The following C9orf40 variants were observed in gnomAD, a reference collection of about 807,000 sequenced individuals.
The protein encoded by C9orf40 is uncharacterized protein C9orf40.
A neutral mutation model predicts 7.9 loss-of-function variants in C9orf40; 2 were observed. The observed-to-expected ratio is 0.25, with a 90% CI of 0.10 to 0.80. C9orf40 has a LOEUF of 0.80. C9orf40 is among the 30% of genes least tolerant of loss of function. C9orf40 has a pLI of 0.68. For synonymous variants in C9orf40, 113 were observed against 117.6 expected (o/e 0.96, Z 0.25); for missense variants, 256 against 268.5 (o/e 0.95, Z 0.33).
chr9:74,947,814 C>T lies in C9orf40; in HGVS notation c.*234G>A. On this transcript the variant is annotated 3_prime_UTR_variant, in exon 2 of 2. Transcript: ENST00000376854. ...TAGAATTTAAACAAAACTTTTTGCT[C>T]TAAGAATGCATACATAAAATACTTC... The T allele has an allele frequency of 3.0e-6, 1 of 330,594 alleles. No homozygotes were observed. The highest frequency in any genetic ancestry group is 5.0e-5 in the East Asian group (1 of 20,072). The allele number at this position is 330,594 out of a possible 1,614,324, so 20.5% of individuals were successfully genotyped here.
intron 1 of C9orf40, among the ~76,000 whole-genome samples, chr9:74,948,519 A>AT (rs1165190710): frequency 1.1e-4 from 16 of 152,094 alleles, no homozygotes; most frequent in African/African-American, 3.6e-4. Flanking sequence ...AAGTCTTAAA[A>AT]TTTTTTATCT....
chr9:74,952,587 G>T lies in C9orf40; in HGVS notation c.25C>A (p.Pro9Thr). The change falls in exon 1 of 2, where the codon CCG (proline) becomes ACG (threonine). Residue 9 changes from proline (P) to threonine (T), a missense_variant. By Grantham distance (38) the Pro-to-Thr change is conservative. Coordinates refer to ENST00000376854, the MANE Select transcript of C9orf40 (RefSeq NM_017998.3). This position sits in a 1 kb window ranked among gnomAD's most constrained non-coding sequence, Gnocchi z 5.4. MAKRRAAEPVTFHVPWKRL... is the reference protein window; with the variant it reads MAKRRAAETVTFHVPWKRL... ...TTCCAAGGCACGTGGAACGTCACCG[G>T]CTCGGCCGCACGCCGCTTGGCCATG... The T allele has an allele frequency of 6.4e-7, 1 of 1,573,526 alleles. No homozygotes were observed. The highest frequency in any genetic ancestry group is 1.1e-5 in the South Asian group (1 of 87,746).
At chr9:74,950,406 A>G (rs1832283606) in intron 1 of C9orf40, among the ~76,000 whole-genome samples, 1 of 152,198 alleles carries the variant, frequency 6.6e-6, no homozygotes, top group South Asian at 2.1e-4. Context: ...AGACAAGCCT[A>G]TGCATGAGTG....
In C9orf40 at chr9:74,952,163, G is replaced by GCCCCCC; in HGVS notation, c.426+22_426+23insGGGGGG. ...AAAAGGCAAGCCCCTTCGCCCCTCA[G>GCCCCCC]CCCACCCGCCCCCAGCCCCTACCTG... On this transcript the variant is annotated intron_variant, in intron 1 of 1. Transcript: ENST00000376854. This position sits in a 1 kb window ranked among gnomAD's most constrained non-coding sequence, Gnocchi z 5.4. 1 of 351,742 alleles carries GCCCCCC rather than the reference G, an allele frequency of 2.8e-6. No individual in the cohort carries two copies. The allele number at this position is 351,742 out of a possible 1,614,324, so 21.8% of individuals were successfully genotyped here. A position where few individuals can be genotyped will look rare whatever the true frequency, so the allele number is the denominator to read the frequency against.
rs1832323624 is a variant in C9orf40 at position 74,952,801 on chromosome 9, G to A, written c.-190C>T. 1 of 522,326 alleles carries A rather than the reference G, an allele frequency of 1.9e-6. No homozygotes were observed. Among genetic ancestry groups the A allele is most frequent in the Non-Finnish European group, 3.3e-6 (1 of 303,032 alleles). 32.4% of individuals were successfully genotyped at this position (522,326 alleles called of 1,614,324 possible). A position where few individuals can be genotyped will look rare whatever the true frequency, so the allele number is the denominator to read the frequency against. The stretch of plus-strand genomic sequence containing the variant: ...CCTAGGGCTGGGGCTCCGGCTCGGA[G>A]GCAGCTCCCGCGCTCAGCCCTCGCC... On this transcript the variant is annotated 5_prime_UTR_variant, in exon 1 of 2. Transcript: ENST00000376854. This position sits in a 1 kb window ranked among gnomAD's most constrained non-coding sequence, Gnocchi z 5.4.
At chr9:74,951,879 T>G (rs1452710274) in intron 1 of C9orf40, among the ~76,000 whole-genome samples, 1 of 152,210 alleles carries the variant, frequency 6.6e-6, no homozygotes, top group Non-Finnish European at 1.5e-5. Flanking sequence ...CTCGCCATGC[T>G]CACAGCCCGC....
chr9:74,952,618 A>G lies in C9orf40; in HGVS notation c.-7T>C. The stretch of plus-strand genomic sequence containing the variant: ...CCGCACGCCGCTTGGCCATGGGCCC[A>G]GAGGCTCGGGCGGAGCCCGCCAGGC... On this transcript the variant is annotated 5_prime_UTR_variant, in exon 1 of 2. Coordinates refer to ENST00000376854, the MANE Select transcript of C9orf40 (RefSeq NM_017998.3). The surrounding 1 kb of genome is among the most constrained non-coding windows in gnomAD (Gnocchi z 5.4). 2 of 1,552,574 alleles carry G rather than the reference A, an allele frequency of 1.3e-6. No homozygotes were observed. Among genetic ancestry groups the G allele is most frequent in the Non-Finnish European group, 1.7e-6 (2 of 1,159,692 alleles).
chr9:74,952,756 G>A lies in C9orf40; in HGVS notation c.-145C>T. On this transcript the variant is annotated 5_prime_UTR_variant, in exon 1 of 2. Coordinates refer to ENST00000376854, the MANE Select transcript of C9orf40 (RefSeq NM_017998.3). This position sits in a 1 kb window ranked among gnomAD's most constrained non-coding sequence, Gnocchi z 5.4. The stretch of plus-strand genomic sequence containing the variant: ...GCGACAGGACGCTGGAGGGGGTAGG[G>A]CGGGGCAGCTCGCGCAGGGCCTAGG... 5.6e-6 allele frequency: 4 copies of A among 709,288 alleles called. No individual in the cohort carries two copies. The South Asian group carries it at 8.0e-5, about 14-fold the overall frequency. The allele number at this position is 709,288 out of a possible 1,614,324, so 43.9% of individuals were successfully genotyped here. A position where few individuals can be genotyped will look rare whatever the true frequency, so the allele number is the denominator to read the frequency against.
At position 74,947,269 on chromosome 9, in the gene C9orf40, T is replaced by C. The variant is rs1164563339; in HGVS notation, c.*779A>G. 2 of 152,648 alleles carry C rather than the reference T, an allele frequency of 1.3e-5. No homozygotes were observed. The highest frequency in any genetic ancestry group is 2.9e-5 in the Non-Finnish European group (2 of 68,034). 9.5% of individuals were successfully genotyped at this position (152,648 alleles called of 1,614,324 possible). A position where few individuals can be genotyped will look rare whatever the true frequency, so the allele number is the denominator to read the frequency against. The stretch of plus-strand genomic sequence containing the variant: ...GAGGCCCAGGCAAAGATTTTTAAAG[T>C]GCTGTCAGTGTTGAAAACTACAGGT... On this transcript the variant is annotated 3_prime_UTR_variant, in exon 2 of 2. Coordinates refer to ENST00000376854, the MANE Select transcript of C9orf40 (RefSeq NM_017998.3).
chr9:74,950,007 C>A (rs1023736705), intron 1 of C9orf40, among the ~76,000 whole-genome samples: 1 of 151,480 alleles, frequency 6.6e-6, no homozygotes, highest in South Asian at 2.1e-4. Flanking sequence ...ATTAGTCCAG[C>A]GTGGTGGTGT....
At position 74,952,133 on chromosome 9, in the gene C9orf40, T is replaced by C. The variant is rs944270610; in HGVS notation, c.426+53A>G. 1.1e-5 allele frequency: 7 copies of C among 626,860 alleles called. No individual in the cohort carries two copies. Among genetic ancestry groups the C allele is most frequent in the Non-Finnish European group, 1.6e-5 (7 of 433,516 alleles). 38.8% of individuals were successfully genotyped at this position (626,860 alleles called of 1,614,324 possible). On this transcript the variant is annotated intron_variant, in intron 1 of 1. Coordinates refer to ENST00000376854, the MANE Select transcript of C9orf40 (RefSeq NM_017998.3). This position sits in a 1 kb window ranked among gnomAD's most constrained non-coding sequence, Gnocchi z 5.4. ...TGGGAACCGGGGCGTTTTGTGTGTG[T>C]GGGGAAAAGGCAAGCCCCTTCGCCC...
chr9:74,948,277 A>C lies in C9orf40; in HGVS notation c.427-71T>G, dbSNP rs1832263426. On this transcript the variant is annotated intron_variant, in intron 1 of 1. Coordinates refer to ENST00000376854, the MANE Select transcript of C9orf40 (RefSeq NM_017998.3). ...AAATTAAGTTTTTTTCAGAAAACAA[A>C]TTTGTTTTAAAGGCAAACTCATATA... is the stretch of plus-strand genomic sequence containing the variant. 2.6e-6 allele frequency: 3 copies of C among 1,141,588 alleles called. No homozygotes were observed. In the South Asian group the frequency reaches 4.9e-5, roughly 19 times the overall value. 70.7% of individuals were successfully genotyped at this position (1,141,588 alleles called of 1,614,324 possible).
rs1300118699 is a variant in C9orf40, at chr9:74,948,104, T to A, written c.529A>T (p.Thr177Ser). 1 of 1,614,108 alleles carries A rather than the reference T, an allele frequency of 6.2e-7. No individual in the cohort carries two copies. Reference sequence around the variant, plus strand: ...TTCCTGCCCTGAAGTGTTGCTTCTGTCAGGGTGTCTTCACTTAAATCTTCA... The same window carrying A: ...TTCCTGCCCTGAAGTGTTGCTTCTGACAGGGTGTCTTCACTTAAATCTTCA... Reference protein sequence around the residue: ...DIEDLSEDTLTEATLQGRNEG... With the variant: ...DIEDLSEDTLSEATLQGRNEG... The change falls in exon 2 of 2, where the codon ACA becomes TCA. Residue 177 changes from threonine (T) to serine (S), a missense_variant. Thr to Ser is a moderately conservative substitution (Grantham distance 58). Transcript: ENST00000376854.
In C9orf40 at chr9:74,948,179, T is replaced by C; in HGVS notation, c.454A>G (p.Thr152Ala). The C allele has an allele frequency of 6.2e-7, 1 of 1,611,494 alleles. No homozygotes were observed. Among genetic ancestry groups the C allele is most frequent in the Non-Finnish European group, 8.5e-7 (1 of 1,178,556 alleles). The change falls in exon 2 of 2, where the codon ACC (threonine) becomes GCC (alanine). Residue 152 changes from threonine to alanine, a missense_variant. Coordinates refer to ENST00000376854, the MANE Select transcript of C9orf40 (RefSeq NM_017998.3). ...QHNEEFWQYN[T>A]FQYWRNPLPP... ...AAAGGATTCCTCCAGTACTGGAAGG[T>C]ATTATACTGCCAAAATTCTTCATTG...
chr9:74,948,856 A>ATT (rs2118675682), intron 1 of C9orf40, among the ~76,000 whole-genome samples: 1 of 152,320 alleles, frequency 6.6e-6, no homozygotes, highest in East Asian at 1.9e-4. Context: ...TAAAGAATTA[A>ATT]GTTTTGGGGG....
At chr9:74,950,533 T>C (rs907189710) in intron 1 of C9orf40, among the ~76,000 whole-genome samples, 1 of 152,126 alleles carries the variant, frequency 6.6e-6, no homozygotes, top group Non-Finnish European at 1.5e-5. Context: ...TCAGTTGATT[T>C]TGAATATCTG....
intron 1 of C9orf40, among the ~76,000 whole-genome samples, chr9:74,951,846 C>T (rs1832303538): frequency 6.6e-6 from 1 of 152,228 alleles, no homozygotes; most frequent in Admixed American, 6.5e-5. Flanking sequence ...TTGGGCTGAA[C>T]CTATGCCCTG....
Position 74,952,458 on chromosome 9 carries a change from G to C in C9orf40, c.154C>G (p.Gln52Glu). The change falls in exon 1 of 2, where the codon CAG becomes GAG. Residue 52 changes from glutamine to glutamate, a missense_variant. By Grantham distance (29) the Gln-to-Glu change is conservative (BLOSUM62 2). Coordinates refer to ENST00000376854, the MANE Select transcript of C9orf40 (RefSeq NM_017998.3). This position sits in a 1 kb window ranked among gnomAD's most constrained non-coding sequence, Gnocchi z 5.4. ...GCGTCGATTTTGCGCTTTCGGTGCT[G>C]CTCTGGGACGCCGAGGAGCTGCCCA... ...HAGQLLGVPE[Q>E]HRKRKIDAGT... The C allele has an allele frequency of 4.4e-6, 7 of 1,600,444 alleles. No homozygotes were observed. Among genetic ancestry groups the C allele is most frequent in the Non-Finnish European group, 5.9e-6 (7 of 1,178,508 alleles).
chr9:74,950,101 C>A (rs934733196), intron 1 of C9orf40, among the ~76,000 whole-genome samples: 1 of 152,130 alleles, frequency 6.6e-6, no homozygotes, highest in African/African-American at 2.4e-5. Context: ...GGCATGGGAG[C>A]GAGACCCCAA....
Sources: allele counts gnomAD v4.1 joint callset (sites outside exome capture counted in the v4.1 genomes callset), GRCh38; gene constraint gnomAD v4.1.1; non-coding constraint Gnocchi (gnomAD v3.1); transcripts MANE v1.5; gene names NCBI Gene and HGNC (gene_info 2026-07-23, HGNC 2026-07-21).